The following GNAQ variants were observed in gnomAD, a reference collection of about 807,000 sequenced individuals.
The protein encoded by GNAQ is G protein subunit alpha q, also known as guanine nucleotide-binding protein G(q) subunit alpha.
A neutral mutation model predicts 43.9 loss-of-function variants in GNAQ; 8 were observed. The ratio of observed to expected loss-of-function variants is 0.18; its 90% CI spans 0.11 to 0.33. GNAQ has a LOEUF of 0.33. GNAQ is among the 10% of genes least tolerant of loss of function. The pLI, the probability that GNAQ is intolerant of heterozygous loss-of-function variation, is 1.00. For synonymous variants in GNAQ, 155 were observed against 170.7 expected (o/e 0.91, Z 0.71); for missense variants, 158 against 450.8 (o/e 0.35, Z 5.88).
intron 2 of GNAQ, among the ~76,000 whole-genome samples, chr9:77,830,880 G>C (rs972779976): frequency 1.3e-5 from 2 of 151,942 alleles, no homozygotes; most frequent in Non-Finnish European, 2.9e-5. Context: ...GTGTGAACTT[G>C]TAAAACTTGA....
intron 1 of GNAQ, among the ~76,000 whole-genome samples, chr9:78,020,768 C>G (rs1033390686): frequency 6.6e-6 from 1 of 152,184 alleles, no homozygotes; most frequent in Non-Finnish European, 1.5e-5. Flanking sequence ...ACGGGACTCC[C>G]TATTACTCTA....
intron 2 of GNAQ, among the ~76,000 whole-genome samples, chr9:77,859,455 G>A (rs932381449): frequency 6.6e-6 from 1 of 152,150 alleles, no homozygotes; most frequent in African/African-American, 2.4e-5. Flanking sequence ...ACTATGTATA[G>A]TAAAAAGCAT....
chr9:77,821,724 GGTGTGTGTGTGT>G (rs1554718670), intron 2 of GNAQ, among the ~76,000 whole-genome samples: 16 of 142,400 alleles, frequency 1.1e-4, no homozygotes, highest in Middle Eastern at 3.5e-3. Context: ...TCCTAGTATG[GGTGTGTGTGTGT>G]GTGTGTGTGT....
intron 5 of GNAQ, among the ~76,000 whole-genome samples, chr9:77,755,728 T>TG (rs1825892097): frequency 1.3e-5 from 2 of 152,240 alleles, no homozygotes. Flanking sequence ...TCCGGTTGTA[T>TG]GAAGGAGAGT....
At chr9:77,889,710 C>G (rs1018750381) in intron 2 of GNAQ, among the ~76,000 whole-genome samples, 1 of 152,152 alleles carries the variant, frequency 6.6e-6, no homozygotes, top group Non-Finnish European at 1.5e-5. Context: ...ATCACAGTCT[C>G]TAATGAGTCC....
chr9:77,860,199 G>A (rs1438968001), intron 2 of GNAQ, among the ~76,000 whole-genome samples: 1 of 152,214 alleles, frequency 6.6e-6, no homozygotes. Context: ...GCGGCTGAGT[G>A]GGGGTTAGCT....
intron 2 of GNAQ, among the ~76,000 whole-genome samples, chr9:77,876,255 T>C (rs142777079): frequency 4.6e-5 from 7 of 152,300 alleles, no homozygotes; most frequent in African/African-American, 1.7e-4. Context: ...CCTTTCCTCC[T>C]CTACTGAGCA....
At chr9:77,732,505 A>G (rs1291604918) in intron 5 of GNAQ, among the ~76,000 whole-genome samples, 1 of 151,898 alleles carries the variant, frequency 6.6e-6, no homozygotes. Flanking sequence ...GGCTGGGACT[A>G]CAGGTGTCCG....
intron 2 of GNAQ, among the ~76,000 whole-genome samples, chr9:77,907,236 C>G (rs1463017339): frequency 6.6e-6 from 1 of 152,038 alleles, no homozygotes; most frequent in Non-Finnish European, 1.5e-5. Context: ...TTCATTATCC[C>G]AAGACTGCAG....
At chr9:78,018,056 C>T (rs1324900350) in intron 1 of GNAQ, among the ~76,000 whole-genome samples, 1 of 151,914 alleles carries the variant, frequency 6.6e-6, no homozygotes, top group Non-Finnish European at 1.5e-5. Context: ...CTAGAAATAA[C>T]ATTTCCATGA....
At chr9:77,788,129 ATG>A (rs1826513176) in intron 5 of GNAQ, among the ~76,000 whole-genome samples, 1 of 152,218 alleles carries the variant, frequency 6.6e-6, no homozygotes. Context: ...TAATTTCCAT[ATG>A]TGTAACAGTA....
At chr9:77,762,535 C>T (rs1320201187) in intron 5 of GNAQ, among the ~76,000 whole-genome samples, 4 of 149,828 alleles carry the variant, frequency 2.7e-5, no homozygotes, top group East Asian at 2.0e-4. Flanking sequence ...CGCCTCTGCC[C>T]GGCCGCCCCT....
At chr9:77,770,299 T>G (rs1176790397) in intron 5 of GNAQ, among the ~76,000 whole-genome samples, 1 of 152,140 alleles carries the variant, frequency 6.6e-6, no homozygotes, top group Non-Finnish European at 1.5e-5. Context: ...CAACAGAAAT[T>G]GTATCCAATT....
intron 2 of GNAQ, among the ~76,000 whole-genome samples, chr9:77,866,419 G>C (rs867015770): frequency 6.6e-6 from 1 of 152,202 alleles, no homozygotes; most frequent in Admixed American, 6.5e-5. Flanking sequence ...GGAGGTTGCA[G>C]TAAGCTGAGT....
chr9:77,780,994 G>T (rs1826385681), intron 5 of GNAQ, among the ~76,000 whole-genome samples: 3 of 137,254 alleles, frequency 2.2e-5, no homozygotes, highest in Non-Finnish European at 3.1e-5. Context: ...TGAATTCCTT[G>T]TATATTCTAG....
intron 1 of GNAQ, among the ~76,000 whole-genome samples, chr9:77,932,203 T>G (rs1455402082): frequency 6.6e-6 from 1 of 152,184 alleles, no homozygotes; most frequent in Non-Finnish European, 1.5e-5. Flanking sequence ...ATAACTGAGA[T>G]AACCATCACC....
chr9:77,871,432 C>T (rs1828036963), intron 2 of GNAQ, among the ~76,000 whole-genome samples: 1 of 152,190 alleles, frequency 6.6e-6, no homozygotes. Context: ...ATTTTCAAAA[C>T]ACCCAGACTG....
intron 1 of GNAQ, among the ~76,000 whole-genome samples, chr9:77,988,547 T>C (rs1315800014): frequency 6.6e-6 from 1 of 152,230 alleles, no homozygotes; most frequent in Non-Finnish European, 1.5e-5. Flanking sequence ...CAGATCTGAT[T>C]CCAACTCTCA....
chr9:77,894,076 A>G (rs1411863867), intron 2 of GNAQ, among the ~76,000 whole-genome samples: 1 of 152,006 alleles, frequency 6.6e-6, no homozygotes, highest in Non-Finnish European at 1.5e-5. Flanking sequence ...AATGTGTCCT[A>G]GAGAAATTAT....
Sources: gnomAD v4.1 joint callset for allele counts (sites outside exome capture counted in the v4.1 genomes callset) on GRCh38, gnomAD v4.1.1 for gene constraint, MANE v1.5 for transcripts, NCBI Gene and HGNC (gene_info 2026-07-23, HGNC 2026-07-21) for gene names.